NRXN1: variants seen among roughly 807,000 people sequenced by gnomAD.
The protein encoded by NRXN1 is neurexin 1.
A neutral mutation model predicts 150.9 loss-of-function variants in NRXN1; 39 were observed. That is an observed-to-expected ratio of 0.26 (90% CI 0.20 to 0.34). NRXN1 has a LOEUF of 0.34. NRXN1 is among the 10% of genes least tolerant of loss of function. NRXN1 has a pLI of 1.00. For missense variants in NRXN1, 1,815 were observed against 1,949.9 expected, an observed-to-expected ratio of 0.93 and a Z score of 1.30; for synonymous variants, 924 against 757.0, an observed-to-expected ratio of 1.22 and a Z score of -3.62.
chr2:50,744,468 G>A lies in NRXN1; in HGVS notation c.833-120853C>T, dbSNP rs118094660. 1.8e-4 allele frequency among the ~76,000 whole-genome samples: 27 copies of A among 152,044 alleles called. No homozygotes were observed. The East Asian group carries it at 5.2e-3, about 29-fold the overall frequency. ...AATTAATAATCAGTTACTACTTATC[G>A]AGAATCTATTAAATCTGAATTATTC... On this transcript the variant is annotated intron_variant, in intron 5 of 22. Transcript: ENST00000401669.
chr2:50,136,764 G>C (rs1051885840), intron 18 of NRXN1, among the ~76,000 whole-genome samples: 7 of 152,152 alleles, frequency 4.6e-5, no homozygotes, highest in Non-Finnish European at 8.8e-5. Context: ...TTATCTAAAA[G>C]TTTGAACAAG....
At chr2:50,554,170 A>T (rs988928240) in intron 8 of NRXN1, among the ~76,000 whole-genome samples, 4 of 152,112 alleles carry the variant, frequency 2.6e-5, no homozygotes, top group Non-Finnish European at 5.9e-5. Flanking sequence ...ATATATGTAT[A>T]TGTATACACA....
At chr2:50,723,872 T>C (rs1282126942) in intron 5 of NRXN1, among the ~76,000 whole-genome samples, 1 of 152,222 alleles carries the variant, frequency 6.6e-6, no homozygotes, top group African/African-American at 2.4e-5. Flanking sequence ...TGTTTCCTAG[T>C]GTGCACTGAA....
chr2:50,481,648 A>T (rs2090464316), intron 15 of NRXN1, among the ~76,000 whole-genome samples: 1 of 152,278 alleles, frequency 6.6e-6, no homozygotes, highest in Middle Eastern at 3.4e-3. Context: ...AACCCCAAGA[A>T]GATAAGAGTT....
chr2:50,786,491 A>G (rs1343590565), intron 5 of NRXN1, among the ~76,000 whole-genome samples: 1 of 152,104 alleles, frequency 6.6e-6, no homozygotes, highest in African/African-American at 2.4e-5. Flanking sequence ...GAATTTCATA[A>G]ATGGAACAAA....
Position 50,355,500 on chromosome 2 carries a change from C to A in NRXN1, c.3364+109942G>T, listed in dbSNP as rs114373387. Among the ~76,000 whole-genome samples, 1,131 of 152,146 alleles carry A rather than the reference C, an allele frequency of 7.4e-3. 25 individuals are homozygous for A. Among genetic ancestry groups the A allele is most frequent in the African/African-American group, 0.026 (1,073 of 41,524 alleles). On this transcript the variant is annotated intron_variant, in intron 17 of 22. Transcript: ENST00000401669. ...ACTTCTGCCACTTTCCCCACAAACA[C>A]CCCAGGCTCCAGCCACATGAATTTC...
chr2:50,031,534 C>T (rs1558731808), intron 21 of NRXN1, among the ~76,000 whole-genome samples: 2 of 151,954 alleles, frequency 1.3e-5, no homozygotes, highest in African/African-American at 4.8e-5. Flanking sequence ...TAGGCATTCA[C>T]AATATATGGA....
intron 5 of NRXN1, among the ~76,000 whole-genome samples, chr2:50,903,541 CAG>C (rs1190946941): frequency 6.6e-6 from 1 of 152,076 alleles, no homozygotes; most frequent in Non-Finnish European, 1.5e-5. Context: ...CATGTGCTCT[CAG>C]TGTACCACAA....
chr2:50,949,350 T>C (rs1259948455), intron 2 of NRXN1, among the ~76,000 whole-genome samples: 1 of 152,020 alleles, frequency 6.6e-6, no homozygotes, highest in Admixed American at 6.6e-5. Flanking sequence ...ACCTTTCATA[T>C]CAATTCTGAT....
chr2:50,717,937 A>G (rs1324515525), intron 5 of NRXN1, among the ~76,000 whole-genome samples: 4 of 152,164 alleles, frequency 2.6e-5, no homozygotes, highest in Non-Finnish European at 4.4e-5. Context: ...TCACCTGAAT[A>G]TACATTGAGG....
At chr2:50,575,984 A>T (rs928763388) in intron 8 of NRXN1, among the ~76,000 whole-genome samples, 1 of 152,160 alleles carries the variant, frequency 6.6e-6, no homozygotes, top group Non-Finnish European at 1.5e-5. Context: ...CTTAAAGCCA[A>T]CCTAGGATCT....
chr2:50,828,392 C>A (rs1411009733), intron 5 of NRXN1, among the ~76,000 whole-genome samples: 1 of 150,568 alleles, frequency 6.6e-6, no homozygotes, highest in African/African-American at 2.5e-5. Flanking sequence ...CCCTCCCAGA[C>A]GGGGTGGCTG....
chr2:51,026,293 G>T, intron 2 of NRXN1: 2 of 909,678 alleles, frequency 2.2e-6, no homozygotes, highest in South Asian at 1.4e-5. Flanking sequence ...GCCTTGCTTT[G>T]ACCCATAAGC....
At chr2:49,978,362 ACCC>A (rs1679370332) in intron 21 of NRXN1, among the ~76,000 whole-genome samples, 4 of 152,028 alleles carry the variant, frequency 2.6e-5, no homozygotes, top group African/African-American at 9.7e-5. Context: ...ACAGAGTGCC[ACCC>A]TCTCCCCTTA....
intron 5 of NRXN1, among the ~76,000 whole-genome samples, chr2:50,675,008 T>C (rs1385310603): frequency 6.6e-6 from 1 of 151,700 alleles, no homozygotes; most frequent in East Asian, 2.0e-4. Flanking sequence ...GGCTTGGTGT[T>C]GTTCTCTGTG....
intron 2 of NRXN1, among the ~76,000 whole-genome samples, chr2:50,993,795 A>G (rs555111556): frequency 6.6e-6 from 1 of 152,128 alleles, no homozygotes; most frequent in African/African-American, 2.4e-5. Flanking sequence ...AATCACATGG[A>G]GAACATCCTT....
At chr2:50,531,555 T>A (rs2093113172) in intron 10 of NRXN1, 125 bp from the exon 11 acceptor site, 1 of 718,072 alleles carries the variant, frequency 1.4e-6, no homozygotes, top group Non-Finnish European at 2.3e-6. Flanking sequence ...CAAAATCAAT[T>A]CATCTTCTTC....
At chr2:50,787,919 A>G (rs1705364584) in intron 5 of NRXN1, among the ~76,000 whole-genome samples, 1 of 152,064 alleles carries the variant, frequency 6.6e-6, no homozygotes, top group African/African-American at 2.4e-5. Flanking sequence ...GCATGTCATA[A>G]GGATTAAATG....
At chr2:50,415,821 C>T (rs2083492720) in intron 17 of NRXN1, among the ~76,000 whole-genome samples, 1 of 151,142 alleles carries the variant, frequency 6.6e-6, no homozygotes, top group African/African-American at 2.4e-5. Context: ...ATGTGATATG[C>T]TAAATTACAT....
Sources: allele counts gnomAD v4.1 joint callset (sites outside exome capture counted in the v4.1 genomes callset), GRCh38; gene constraint gnomAD v4.1.1; transcripts MANE v1.5; gene names NCBI Gene and HGNC (gene_info 2026-07-23, HGNC 2026-07-21).